The following FBXL17 variants were observed in gnomAD, a reference collection of about 807,000 sequenced individuals.
FBXL17 encodes F-box and leucine rich repeat protein 17.
FBXL17 carries 22 observed loss-of-function variants against 66.2 expected under a neutral mutation model. That is an observed-to-expected ratio of 0.33 (90% CI 0.24 to 0.47). The LOEUF (loss-of-function observed/expected upper bound fraction) is 0.47, where lower values mean the gene tolerates loss of function less well. Ranked by LOEUF, FBXL17 falls within the 20% of genes least tolerant of loss-of-function variation. The pLI, the probability that FBXL17 is intolerant of heterozygous loss-of-function variation, is 1.00. For synonymous variants in FBXL17, 474 were observed against 400.5 expected (o/e 1.18, Z -2.19); for missense variants, 878 against 948.2 (o/e 0.93, Z 0.97).
chr5:108,168,648 A>G (rs919345616), intron 6 of FBXL17, among the ~76,000 whole-genome samples: 3 of 152,180 alleles, frequency 2.0e-5, no homozygotes, highest in Non-Finnish European at 4.4e-5. Context: ...AGCTGAAGTG[A>G]AATCAATGCT....
At chr5:108,081,349 T>G (rs924922297) in intron 6 of FBXL17, among the ~76,000 whole-genome samples, 1 of 152,144 alleles carries the variant, frequency 6.6e-6, no homozygotes, top group African/African-American at 2.4e-5. Flanking sequence ...GAATTTTATT[T>G]TTCATTTTAC....
intron 4 of FBXL17, among the ~76,000 whole-genome samples, chr5:108,279,356 T>A (rs1757612722): frequency 1.3e-5 from 2 of 151,994 alleles, no homozygotes; most frequent in African/African-American, 2.4e-5. Flanking sequence ...CCACCCAGCA[T>A]CCCAGACCCC....
At chr5:108,126,277 A>C (rs1207715688) in intron 6 of FBXL17, among the ~76,000 whole-genome samples, 3 of 152,154 alleles carry the variant, frequency 2.0e-5, no homozygotes, top group Non-Finnish European at 4.4e-5. Context: ...ATCGGTCCAA[A>C]GGCACATTTT....
At chr5:108,188,288 T>A (rs998633227) in intron 5 of FBXL17, among the ~76,000 whole-genome samples, 4 of 152,056 alleles carry the variant, frequency 2.6e-5, no homozygotes, top group East Asian at 3.9e-4. Context: ...CTGCGACAGA[T>A]AAAACACAAA....
chr5:108,069,441 C>T (rs1041682311), intron 6 of FBXL17, among the ~76,000 whole-genome samples: 1 of 152,126 alleles, frequency 6.6e-6, no homozygotes, highest in African/African-American at 2.4e-5. Flanking sequence ...TGCAATGAAA[C>T]AATAAGGAAC....
At chr5:108,255,860 A>G (rs976618813) in intron 4 of FBXL17, among the ~76,000 whole-genome samples, 10 of 152,214 alleles carry the variant, frequency 6.6e-5, no homozygotes, top group African/African-American at 1.9e-4. Flanking sequence ...GTTCCTGCCA[A>G]TTGAATTTCT....
chr5:108,377,803 T>G (rs1268118089), intron 1 of FBXL17, among the ~76,000 whole-genome samples: 2 of 152,232 alleles, frequency 1.3e-5, no homozygotes, highest in Non-Finnish European at 2.9e-5. Flanking sequence ...AAAACTTAGA[T>G]GGCCTAGATC....
At chr5:107,872,987 A>G (rs1263550694) in intron 8 of FBXL17, among the ~76,000 whole-genome samples, 1 of 152,222 alleles carries the variant, frequency 6.6e-6, no homozygotes, top group East Asian at 1.9e-4. Context: ...TGAGAAGAGA[A>G]AAATGGCCAC....
At chr5:108,026,296 T>A (rs1754823331) in intron 6 of FBXL17, among the ~76,000 whole-genome samples, 1 of 152,230 alleles carries the variant, frequency 6.6e-6, no homozygotes, top group African/African-American at 2.4e-5. Context: ...AGTTTTTTTT[T>A]AATCTTCAAG....
intron 6 of FBXL17, among the ~76,000 whole-genome samples, chr5:108,166,177 T>C (rs1274767500): frequency 6.6e-6 from 1 of 152,246 alleles, no homozygotes; most frequent in Non-Finnish European, 1.5e-5. Flanking sequence ...TGATGTTGCA[T>C]TCCACTGTAA....
chr5:108,350,496 G>A (rs1747574671), intron 3 of FBXL17, among the ~76,000 whole-genome samples: 1 of 152,118 alleles, frequency 6.6e-6, no homozygotes, highest in African/African-American at 2.4e-5. Context: ...AGACTGAAAA[G>A]GCTTATCCAC....
chr5:108,282,332 A>T (rs2966823), intron 4 of FBXL17, among the ~76,000 whole-genome samples: 118,112 of 151,788 alleles, frequency 0.78, 46,662 homozygotes, highest in East Asian at 0.93. Flanking sequence ...AAGTGGGTTG[A>T]ATGTATCAGG....
At chr5:107,904,531 G>A (rs1160344857) in intron 7 of FBXL17, among the ~76,000 whole-genome samples, 1 of 152,004 alleles carries the variant, frequency 6.6e-6, no homozygotes, top group Non-Finnish European at 1.5e-5. Context: ...CTAGTTTCTA[G>A]TTATACCAAG....
At chr5:108,043,247 A>G (rs1747120253) in intron 6 of FBXL17, among the ~76,000 whole-genome samples, 1 of 152,014 alleles carries the variant, frequency 6.6e-6, no homozygotes, top group Admixed American at 6.5e-5. Context: ...CAGTTTGTCA[A>G]TTTTCCTTTT....
At chr5:107,926,372 G>A (rs1204416877) in intron 7 of FBXL17, among the ~76,000 whole-genome samples, 1 of 152,032 alleles carries the variant, frequency 6.6e-6, no homozygotes, top group Non-Finnish European at 1.5e-5. Flanking sequence ...AACAGGTAGG[G>A]CTGCTAACAT....
chr5:108,088,638 T>G (rs1749063323), intron 6 of FBXL17, among the ~76,000 whole-genome samples: 1 of 133,428 alleles, frequency 7.5e-6, no homozygotes, highest in Admixed American at 8.6e-5. Flanking sequence ...GAGGTGGAGG[T>G]TGCAGTGAGC....
chr5:107,924,482 G>C (rs1435650184), intron 7 of FBXL17, among the ~76,000 whole-genome samples: 1 of 152,140 alleles, frequency 6.6e-6, no homozygotes. Context: ...TGAAGGTTTA[G>C]ATTATTCAGA....
chr5:108,101,808 T>C (rs1337528775), intron 6 of FBXL17, among the ~76,000 whole-genome samples: 2 of 152,218 alleles, frequency 1.3e-5, no homozygotes, highest in Non-Finnish European at 2.9e-5. Context: ...CTAACAAAAA[T>C]GTTTCAAAGC....
At chr5:108,089,340 C>T (rs1014106224) in intron 6 of FBXL17, among the ~76,000 whole-genome samples, 3 of 152,144 alleles carry the variant, frequency 2.0e-5, no homozygotes, top group African/African-American at 7.2e-5. Context: ...CCTCAATTTC[C>T]ATCCACACTA....
Sources: allele counts gnomAD v4.1 joint callset (sites outside exome capture counted in the v4.1 genomes callset), GRCh38; gene constraint gnomAD v4.1.1; transcripts MANE v1.5; gene names NCBI Gene and HGNC (gene_info 2026-07-23, HGNC 2026-07-21).